Variants in SLC39A8 observed in about 807,000 individuals in gnomAD.
SLC39A8 encodes the protein metal cation symporter ZIP8.
Under a neutral mutation model 40.4 loss-of-function variants are expected in SLC39A8, and 15 were observed. That is an observed-to-expected ratio of 0.37 (90% CI 0.25 to 0.57). The LOEUF (loss-of-function observed/expected upper bound fraction) is 0.57, where lower values mean the gene tolerates loss of function less well. Among genes scored for constraint, SLC39A8 ranks in the 20% least tolerant of loss-of-function variants. SLC39A8 has a pLI of 0.75. For synonymous variants in SLC39A8, 223 were observed against 221.6 expected, an observed-to-expected ratio of 1.01 and a Z score of -0.06; for missense variants, 472 against 558.8, an observed-to-expected ratio of 0.84 and a Z score of 1.57.
intron 6 of SLC39A8, among the ~76,000 whole-genome samples, 170 bp downstream of exon 6, chr4:102,304,147 T>A (rs932301649): frequency 3.0e-4 from 46 of 151,948 alleles, no homozygotes; most frequent in African/African-American, 1.1e-3. Context: ...AGTAAACATA[T>A]ACAGGGAAGG....
chr4:102,328,495 G>A (rs1735313035), intron 2 of SLC39A8, among the ~76,000 whole-genome samples: 1 of 152,170 alleles, frequency 6.6e-6, no homozygotes, highest in Admixed American at 6.5e-5. Context: ...GATGAGGAGG[G>A]AAAGGAATAT....
chr4:102,274,279 C>T (rs923608663), intron 6 of SLC39A8, among the ~76,000 whole-genome samples: 3 of 152,060 alleles, frequency 2.0e-5, no homozygotes, highest in Non-Finnish European at 4.4e-5. Flanking sequence ...AGTCGAAAAA[C>T]ACAGCACAAG....
chr4:102,291,510 T>G (rs537412452), intron 6 of SLC39A8, among the ~76,000 whole-genome samples: 1 of 152,136 alleles, frequency 6.6e-6, no homozygotes, highest in Non-Finnish European at 1.5e-5. Context: ...TGGAAGATGA[T>G]CTATTATTCT....
chr4:102,323,482 A>T (rs1735050871), intron 2 of SLC39A8, among the ~76,000 whole-genome samples: 1 of 152,218 alleles, frequency 6.6e-6, no homozygotes, highest in South Asian at 2.1e-4. Flanking sequence ...GGGAAATAAG[A>T]CATGATACAC....
intron 2 of SLC39A8, among the ~76,000 whole-genome samples, chr4:102,337,559 T>C (rs1285608150): frequency 6.6e-6 from 1 of 152,214 alleles, no homozygotes; most frequent in East Asian, 1.9e-4. Context: ...AGTGATTCTG[T>C]TGAAGTACTT....
At chr4:102,320,225 A>G (rs923447382) in intron 2 of SLC39A8, among the ~76,000 whole-genome samples, 2 of 136,234 alleles carry the variant, frequency 1.5e-5, no homozygotes, top group South Asian at 2.2e-4. Context: ...GTATATATGT[A>G]TGAGTATATA....
downstream of SLC39A8, among the ~76,000 whole-genome samples, chr4:102,260,500 T>A (rs1246916877): frequency 2.0e-5 from 3 of 152,146 alleles, no homozygotes; most frequent in African/African-American, 4.8e-5. Flanking sequence ...CTATGTAGAA[T>A]TTAGACCTTA....
intron 2 of SLC39A8, among the ~76,000 whole-genome samples, chr4:102,326,199 CCTT>C (rs533965615): frequency 1.4e-3 from 210 of 152,290 alleles, no homozygotes; most frequent in African/African-American, 4.7e-3. Context: ...CCCACTCAGT[CCTT>C]CTGAGGATAA....
chr4:102,289,369 T>C (rs1445456900), intron 6 of SLC39A8, among the ~76,000 whole-genome samples: 1 of 152,142 alleles, frequency 6.6e-6, no homozygotes, highest in Non-Finnish European at 1.5e-5. Context: ...CTTACGGGGA[T>C]GTACAAGGAG....
downstream of SLC39A8, among the ~76,000 whole-genome samples, chr4:102,257,365 T>C (rs1330832505): frequency 2.0e-5 from 3 of 152,194 alleles, no homozygotes; most frequent in African/African-American, 7.2e-5. Context: ...GTAATTTCTT[T>C]GAATTCTATC....
At position 102,304,320 on chromosome 4, in the gene SLC39A8, T is replaced by C. The variant is rs752084632; in HGVS notation, c.837A>G (p.Leu279=). 2 of 1,608,812 alleles carry C rather than the reference T, an allele frequency of 1.2e-6. No individual in the cohort carries two copies. The highest frequency in any genetic ancestry group is 1.1e-5 in the South Asian group (1 of 90,866). The part of the protein sequence containing the change: ...IHFDNVSVVS[L]QDGKKEPSSC... ...GAAAAATGGAATTAACATATACCTG[T>C]AGAGATACCACACTGACATTATCAA... Residue 279 remains leucine, a synonymous_variant, in exon 6 of 9, where the codon CTA becomes CTG. Coordinates refer to ENST00000356736, the MANE Select transcript of SLC39A8 (RefSeq NM_001135146.2).
At chr4:102,294,035 C>T (rs183508706) in intron 6 of SLC39A8, among the ~76,000 whole-genome samples, 44 of 151,496 alleles carry the variant, frequency 2.9e-4, no homozygotes, top group Non-Finnish European at 1.6e-4. Context: ...AGGATAACTG[C>T]TTATTTATAC....
At chr4:102,307,751 T>C (rs1734250235) in intron 3 of SLC39A8, 146 bp from the exon 4 acceptor site, 1 of 741,150 alleles carries the variant, frequency 1.3e-6, no homozygotes, top group Middle Eastern at 2.5e-4. Context: ...ATGAAAAGTA[T>C]ATAGAAAACT....
chr4:102,256,912 G>A (rs943724760), downstream of SLC39A8, among the ~76,000 whole-genome samples: 2 of 152,170 alleles, frequency 1.3e-5, no homozygotes, highest in South Asian at 4.1e-4. Context: ...CTACATGAAC[G>A]CAGGGCTGAA....
intron 3 of SLC39A8, among the ~76,000 whole-genome samples, chr4:102,311,356 C>T (rs1390244566): frequency 6.6e-6 from 1 of 151,870 alleles, no homozygotes; most frequent in Non-Finnish European, 1.5e-5. Flanking sequence ...GTAAGTAGAC[C>T]ATGATATAAA....
At chr4:102,285,526 A>C (rs1023034030) in intron 6 of SLC39A8, among the ~76,000 whole-genome samples, 1 of 152,090 alleles carries the variant, frequency 6.6e-6, no homozygotes, top group African/African-American at 2.4e-5. Context: ...TTATTAGTGA[A>C]GTATTAATAG....
Position 102,344,656 on chromosome 4 carries a change from G to A in SLC39A8, c.7C>T (p.Pro3Ser), listed in dbSNP as rs1286655469. The change falls in exon 2 of 9, where the codon CCG becomes TCG. Residue 3 changes from proline (P) to serine (S), a missense_variant. By Grantham distance (74) the Pro-to-Ser change is moderately conservative (BLOSUM62 -1). Transcript: ENST00000356736. Reference protein sequence around the residue: MAPGRAVAGLLLL... With the variant: MASGRAVAGLLLL... ...AGGAGCCCGGCCACCGCGCGACCCGGGGCCATCCTGGCCTGGGCTTCCCCT... is the reference window on the plus strand; with the variant it reads ...AGGAGCCCGGCCACCGCGCGACCCGAGGCCATCCTGGCCTGGGCTTCCCCT... 75 of 1,530,028 alleles carry A rather than the reference G, an allele frequency of 4.9e-5. No homozygotes were observed. Among genetic ancestry groups the A allele is most frequent in the Non-Finnish European group, 5.8e-5 (66 of 1,140,452 alleles). The allele number at this position is 1,530,028 out of a possible 1,614,324, so 94.8% of individuals were successfully genotyped here.
At chr4:102,317,295 A>C (rs1171335584) in intron 2 of SLC39A8, among the ~76,000 whole-genome samples, 2 of 152,200 alleles carry the variant, frequency 1.3e-5, no homozygotes, top group Non-Finnish European at 2.9e-5. Context: ...AGATCTATGC[A>C]GTTGTCCAAC....
At chr4:102,261,561 G>A (rs1012689173), downstream of SLC39A8, 2 of 464,236 alleles carry the variant, frequency 4.3e-6, no homozygotes, top group South Asian at 9.0e-5. Flanking sequence ...TAGATTTACA[G>A]TTTGAGCACA....
Sources: allele counts gnomAD v4.1 joint callset (sites outside exome capture counted in the v4.1 genomes callset), GRCh38; gene constraint gnomAD v4.1.1; transcripts MANE v1.5; gene names NCBI Gene and HGNC (gene_info 2026-07-23, HGNC 2026-07-21).